The following ABCC1 variants were observed in gnomAD, a reference collection of about 807,000 sequenced individuals.
ABCC1 encodes multidrug resistance-associated protein 1.
In ABCC1, 83 loss-of-function variants were observed where a neutral mutation model predicts 172.9. That is an observed-to-expected ratio of 0.48 (90% CI 0.40 to 0.58). ABCC1 has a LOEUF of 0.58. Among genes scored for constraint, ABCC1 ranks in the 20% least tolerant of loss-of-function variants. The pLI is 0.00. For synonymous variants in ABCC1, 937 were observed against 825.2 expected (o/e 1.14, Z -2.32); for missense variants, 1,817 against 2,002.7 (o/e 0.91, Z 1.77).
chr16:16,071,975 T>C (rs1411526434), intron 14 of ABCC1, among the ~76,000 whole-genome samples: 5 of 152,160 alleles, frequency 3.3e-5, no homozygotes, highest in African/African-American at 1.2e-4. Flanking sequence ...ATTTTTGTTT[T>C]CTTGCTGAGG....
intron 5 of ABCC1, among the ~76,000 whole-genome samples, chr16:16,028,257 G>T (rs79629927): frequency 0.052 from 7,967 of 152,160 alleles, 239 homozygotes; most frequent in Middle Eastern, 0.14. Context: ...TTGTAATTCT[G>T]ATTGTAATTA....
chr16:15,953,304 A>G (rs2045918840), intron 1 of ABCC1, among the ~76,000 whole-genome samples: 1 of 152,106 alleles, frequency 6.6e-6, no homozygotes, highest in South Asian at 2.1e-4. Context: ...CTGCACTCCA[A>G]CCTGGGCGAC....
Position 16,056,154 on chromosome 16 carries a change from C to A in ABCC1, c.1536C>A (p.Ile512=). 1 of 1,614,076 alleles carries A rather than the reference C, an allele frequency of 6.2e-7. No individual in the cohort carries two copies. The highest frequency in any genetic ancestry group is 8.5e-7 in the Non-Finnish European group (1 of 1,180,024). The change falls in exon 12 of 31, where the codon ATC becomes ATA. Residue 512 remains isoleucine, a synonymous_variant. Transcript: ENST00000399410. ...IKLMNEILNG[I]KVLKLYAWEL... The stretch of plus-strand genomic sequence containing the variant: ...TGATGAACGAAATTCTCAATGGGAT[C>A]AAAGTGCTAAAGCTTTATGCCTGGG...
intron 5 of ABCC1, among the ~76,000 whole-genome samples, chr16:16,024,560 T>C (rs2151798957): frequency 6.6e-6 from 1 of 152,246 alleles, no homozygotes; most frequent in South Asian, 2.1e-4. Context: ...TGTATGTTAC[T>C]CAGGCTGGTC....
chr16:16,127,845 C>T (rs2094435935), intron 26 of ABCC1, among the ~76,000 whole-genome samples: 1 of 151,734 alleles, frequency 6.6e-6, no homozygotes, highest in African/African-American at 2.4e-5. Flanking sequence ...CCGTGAGGAA[C>T]CAAGGGTGTA....
intron 1 of ABCC1, among the ~76,000 whole-genome samples, chr16:15,981,062 A>T (rs989559685): frequency 6.6e-6 from 1 of 152,208 alleles, no homozygotes; most frequent in Non-Finnish European, 1.5e-5. Flanking sequence ...CTTTGACTCC[A>T]TGTCTCACAT....
At position 16,121,965 on chromosome 16, in the gene ABCC1, T is replaced by C; in HGVS notation, c.3391-10T>C. On this transcript the variant is annotated splice_polypyrimidine_tract_variant and intron_variant, in intron 23 of 30. Coordinates refer to ENST00000399410, the MANE Select transcript of ABCC1 (RefSeq NM_004996.4). The stretch of plus-strand genomic sequence containing the variant: ...CTTCATCAACTCCCCGCGTCTGTTC[T>C]CTACCCCAGAGGTTCTACGTGGCTT... The C allele has an allele frequency of 6.2e-7, 1 of 1,614,174 alleles. No individual in the cohort carries two copies. Among genetic ancestry groups the C allele is most frequent in the Admixed American group, 1.7e-5 (1 of 60,018 alleles).
At chr16:16,128,919 C>T (rs1003933817) in intron 26 of ABCC1, among the ~76,000 whole-genome samples, 6 of 152,176 alleles carry the variant, frequency 3.9e-5, no homozygotes, top group East Asian at 3.9e-4. Context: ...CGCTGGAACC[C>T]GGGAGGTGGA....
intron 20 of ABCC1, 81 bp downstream of exon 20, chr16:16,102,798 C>A: frequency 7.2e-7 from 1 of 1,384,488 alleles, no homozygotes; most frequent in Non-Finnish European, 9.9e-7. Flanking sequence ...AAAAAGGCCT[C>A]AGCCCCCTGA....
In ABCC1 at chr16:16,042,702, CAA is replaced by C. The variant is rs60790951; in HGVS notation, c.810-1732_810-1731del. On this transcript the variant is annotated intron_variant, in intron 7 of 30. Transcript: ENST00000399410. ...TGTGTGATAGAGCAAGACTCCATCT[CAA>C]AAAAAAAAAAAAAAATCCCTATAAG... 1.5e-3 allele frequency among the ~76,000 whole-genome samples: 190 copies of C among 124,018 alleles called. 1 individual carries two copies. The highest frequency in any genetic ancestry group is 2.2e-3 in the African/African-American group (82 of 37,496). The allele number at this position is 124,018 out of a possible 152,430, so 81.4% of individuals were successfully genotyped here.
intron 21 of ABCC1, among the ~76,000 whole-genome samples, chr16:16,108,179 A>G (rs2052219911): frequency 6.6e-6 from 1 of 151,464 alleles, no homozygotes; most frequent in African/African-American, 2.4e-5. Context: ...CTCCAATTTT[A>G]TATTCAAGGA....
At chr16:16,026,882 A>C (rs1213636073) in intron 5 of ABCC1, among the ~76,000 whole-genome samples, 2 of 151,808 alleles carry the variant, frequency 1.3e-5, no homozygotes, top group Non-Finnish European at 2.9e-5. Flanking sequence ...GGGCCACTGC[A>C]CTCCAGCCTG....
At chr16:16,092,203 A>G (rs906539096) in intron 19 of ABCC1, among the ~76,000 whole-genome samples, 1 of 152,214 alleles carries the variant, frequency 6.6e-6, no homozygotes, top group African/African-American at 2.4e-5. Context: ...GTGCCACTAC[A>G]CTCCAGCTTG....
chr16:16,086,350 G>A (rs1308584080), intron 17 of ABCC1, among the ~76,000 whole-genome samples: 2 of 152,226 alleles, frequency 1.3e-5, no homozygotes, highest in African/African-American at 2.4e-5. Flanking sequence ...TTGTGCAGGC[G>A]TGACCTCATG....
At chr16:16,139,272 C>A (rs1297043090) in intron 30 of ABCC1, among the ~76,000 whole-genome samples, 1 of 152,118 alleles carries the variant, frequency 6.6e-6, no homozygotes, top group Non-Finnish European at 1.5e-5. Flanking sequence ...TTGAACACTG[C>A]AGGCCCAGTG....
At chr16:16,019,173 C>T (rs1269800427) in intron 5 of ABCC1, among the ~76,000 whole-genome samples, 6 of 151,990 alleles carry the variant, frequency 3.9e-5, no homozygotes, top group Admixed American at 6.6e-5. Context: ...GGCATGATCT[C>T]GGCCCACTGC....
At chr16:16,005,262 A>G (rs763769371) in intron 1 of ABCC1, among the ~76,000 whole-genome samples, 10 of 151,812 alleles carry the variant, frequency 6.6e-5, no homozygotes, top group Non-Finnish European at 1.5e-5. Context: ...CAAATGGACA[A>G]CTGGGCCTAA....
intron 1 of ABCC1, among the ~76,000 whole-genome samples, chr16:15,979,892 C>T (rs142120202): frequency 1.3e-4 from 20 of 152,222 alleles, no homozygotes; most frequent in African/African-American, 4.1e-4. Context: ...TGCTGAGACT[C>T]GTTCTGAGGT....
In ABCC1 at chr16:15,996,278, C is replaced by A. The variant is rs79763412; in HGVS notation, c.49-11538C>A. On this transcript the variant is annotated intron_variant, in intron 1 of 30. Coordinates refer to ENST00000399410, the MANE Select transcript of ABCC1 (RefSeq NM_004996.4). ...GATTACAGGCGTGAACCCCTCCACC[C>A]GGCCAGCTAAGTTTTTAAATTTTTT... Among the ~76,000 whole-genome samples the A allele has an allele frequency of 8.8e-3, 1,346 of 152,224 alleles. 28 individuals carry two copies. The highest frequency in any genetic ancestry group is 0.03 in the African/African-American group (1,265 of 41,544).
Sources: gnomAD v4.1 joint callset for allele counts (sites outside exome capture counted in the v4.1 genomes callset) on GRCh38, gnomAD v4.1.1 for gene constraint, MANE v1.5 for transcripts, NCBI Gene and HGNC (gene_info 2026-07-23, HGNC 2026-07-21) for gene names.